PTPRQ: variants seen among roughly 807,000 people sequenced by gnomAD.
The protein encoded by PTPRQ is protein tyrosine phosphatase receptor type Q.
In PTPRQ, 199 loss-of-function variants were observed where a neutral mutation model predicts 246.0. The observed-to-expected ratio is 0.81, with a 90% CI of 0.72 to 0.91. The LOEUF (loss-of-function observed/expected upper bound fraction) is 0.91, where lower values mean the gene tolerates loss of function less well. Ranked by LOEUF, PTPRQ falls within the 40% of genes least tolerant of loss-of-function variation. The pLI, the probability that PTPRQ is intolerant of heterozygous loss-of-function variation, is 0.00. For missense variants in PTPRQ, 2,624 were observed against 2,528.4 expected, an observed-to-expected ratio of 1.04 and a Z score of -0.81; for synonymous variants, 869 against 853.2, an observed-to-expected ratio of 1.02 and a Z score of -0.32.
chr12:80,479,519 C>A (rs1328640745), intron 8 of PTPRQ, among the ~76,000 whole-genome samples: 3 of 147,640 alleles, frequency 2.0e-5, no homozygotes, highest in Non-Finnish European at 3.0e-5. Context: ...CAAATTCACA[C>A]ATAACAATAT....
chr12:80,555,023 C>T lies in PTPRQ; in HGVS notation c.4285+5289C>T, dbSNP rs1042934348. The stretch of plus-strand genomic sequence containing the variant: ...CCACCTCTCAGGTTCAAGCAATTCT[C>T]GTGCCTCAGGACTCCCAAGTAGCTG... On this transcript the variant is annotated intron_variant, in intron 25 of 44. Transcript: ENST00000644991. 5.9e-5 allele frequency among the ~76,000 whole-genome samples: 9 copies of T among 152,010 alleles called. No homozygotes were observed. The East Asian group carries it at 1.4e-3, about 23-fold the overall frequency.
chr12:80,498,505 C>T (rs1044602144), intron 14 of PTPRQ, among the ~76,000 whole-genome samples: 1 of 152,074 alleles, frequency 6.6e-6, no homozygotes, highest in Admixed American at 6.6e-5. Context: ...GTTTCATTGC[C>T]TAATGGCACC....
intron 39 of PTPRQ, among the ~76,000 whole-genome samples, chr12:80,660,746 A>T (rs1186778921): frequency 6.6e-6 from 1 of 152,096 alleles, no homozygotes; most frequent in African/African-American, 2.4e-5. Flanking sequence ...TTGACAGAGC[A>T]TTATAATACT....
At chr12:80,522,145 A>T (rs968205408) in intron 17 of PTPRQ, among the ~76,000 whole-genome samples, 7 of 152,156 alleles carry the variant, frequency 4.6e-5, no homozygotes, top group African/African-American at 1.7e-4. Context: ...GAGTTCACTC[A>T]TGATTTGGCT....
At chr12:80,526,740 G>A (rs1380070786) in intron 17 of PTPRQ, among the ~76,000 whole-genome samples, 3 of 152,008 alleles carry the variant, frequency 2.0e-5, no homozygotes, top group Admixed American at 6.6e-5. Context: ...AGGGGCTAAC[G>A]TTGATACTAT....
chr12:80,667,426 CAGCCTATTTTCTGAAA>C (rs1469449211), intron 39 of PTPRQ, among the ~76,000 whole-genome samples: 2 of 151,930 alleles, frequency 1.3e-5, no homozygotes, highest in Non-Finnish European at 2.9e-5. Context: ...TATTTCTGAA[CAGCCTATTTTCTGAAA>C]AGCCTATTTT....
Position 80,542,968 on chromosome 12 carries a change from C to T in PTPRQ, c.3873+87C>T, listed in dbSNP as rs570458509. The T allele has an allele frequency of 1.9e-5, 17 of 883,808 alleles. No homozygotes were observed. The African/African-American group carries it at 2.5e-4, about 13-fold the overall frequency. The allele number at this position is 883,808 out of a possible 1,614,324, so 54.7% of individuals were successfully genotyped here. A position where few individuals can be genotyped will look rare whatever the true frequency, so the allele number is the denominator to read the frequency against. The stretch of plus-strand genomic sequence containing the variant: ...TGACATATAGGAGGAAAATGGACTA[C>T]TAAATTAAACAATGACTATTTTTTT... On this transcript the variant is annotated intron_variant, in intron 23 of 44. Transcript: ENST00000644991.
intron 33 of PTPRQ, 55 bp downstream of exon 33, chr12:80,622,189 C>T: frequency 8.2e-7 from 1 of 1,223,484 alleles, no homozygotes; most frequent in South Asian, 2.0e-5. Flanking sequence ...AAAGTTGGAA[C>T]ATTTATTAGT....
chr12:80,463,187 TG>T (rs1893262241), intron 6 of PTPRQ, among the ~76,000 whole-genome samples: 1 of 152,124 alleles, frequency 6.6e-6, no homozygotes, highest in Admixed American at 6.5e-5. Flanking sequence ...CTGATGGAGC[TG>T]AAAGCCAAGG....
chr12:80,557,523 C>G (rs1291417828), intron 25 of PTPRQ, among the ~76,000 whole-genome samples: 4 of 151,520 alleles, frequency 2.6e-5, no homozygotes, highest in African/African-American at 9.7e-5. Flanking sequence ...AGGCATAGAG[C>G]AAACACCAAG....
intron 35 of PTPRQ, among the ~76,000 whole-genome samples, chr12:80,646,625 A>C (rs946818223): frequency 5.3e-5 from 8 of 152,314 alleles, no homozygotes; most frequent in Admixed American, 3.3e-4. Flanking sequence ...TTGTAGTAGG[A>C]AACTATCTCC....
intron 35 of PTPRQ, among the ~76,000 whole-genome samples, chr12:80,646,969 C>T (rs57902008): frequency 0.15 from 23,069 of 152,160 alleles, 2,194 homozygotes; most frequent in East Asian, 0.25. Flanking sequence ...TTCTTGCTCA[C>T]TTTTCTTTAA....
chr12:80,520,487 T>A (rs1264712897), intron 17 of PTPRQ, among the ~76,000 whole-genome samples: 1 of 151,488 alleles, frequency 6.6e-6, no homozygotes, highest in Non-Finnish European at 1.5e-5. Context: ...ATTAGGTGTA[T>A]CTCCTAATGC....
rs1304970476 is a variant in PTPRQ at position 80,546,347 on chromosome 12, A to G, written c.3874-209A>G. On this transcript the variant is annotated intron_variant, in intron 23 of 44. Coordinates refer to ENST00000644991, the MANE Select transcript of PTPRQ (RefSeq NM_001145026.2). ...GGCAATTATGAGGTTCTTCAGGGAA[A>G]AGAAGGTGCCCAATTCATCCTTGTA... 4.6e-5 allele frequency among the ~76,000 whole-genome samples: 7 copies of G among 152,196 alleles called. 1 individual carries two copies.
At position 80,472,159 on chromosome 12, in the gene PTPRQ, C is replaced by T; in HGVS notation, c.1094C>T (p.Thr365Ile). The T allele has an allele frequency of 6.4e-7, 1 of 1,551,604 alleles. No homozygotes were observed. The highest frequency in any genetic ancestry group is 8.7e-7 in the Non-Finnish European group (1 of 1,146,966). ...KDLKFAFTNLTPFTMYDVYIA... is the reference protein window; with the variant it reads ...KDLKFAFTNLIPFTMYDVYIA... Reference sequence around the variant, plus strand: ...CTCAAGTTTGCATTCACTAACCTAACACCATTTACAATGTATGATGTCTAT... The same window carrying T: ...CTCAAGTTTGCATTCACTAACCTAATACCATTTACAATGTATGATGTCTAT... Residue 365 changes from threonine (T) to isoleucine (I), a missense_variant, in exon 8 of 45, where the codon ACA becomes ATA. By Grantham distance (89) the Thr-to-Ile change is moderately conservative. Coordinates refer to ENST00000644991, the MANE Select transcript of PTPRQ (RefSeq NM_001145026.2).
At chr12:80,532,004 C>G (rs1895858531) in intron 17 of PTPRQ, among the ~76,000 whole-genome samples, 1 of 151,506 alleles carries the variant, frequency 6.6e-6, no homozygotes, top group South Asian at 2.1e-4. Flanking sequence ...AGGTAATTGC[C>G]TTGATTCTGC....
At chr12:80,642,435 T>C (rs904181234) in intron 35 of PTPRQ, among the ~76,000 whole-genome samples, 3 of 152,174 alleles carry the variant, frequency 2.0e-5, no homozygotes, top group African/African-American at 7.2e-5. Context: ...TCATTTAGAA[T>C]ACATGGTTGA....
intron 3 of PTPRQ, among the ~76,000 whole-genome samples, chr12:80,449,615 C>T (rs11513910): frequency 0.18 from 27,966 of 151,276 alleles, 2,745 homozygotes; most frequent in Middle Eastern, 0.22. Flanking sequence ...TTTCCCAGCA[C>T]CATTTATTAA....
chr12:80,623,814 G>A (rs1273953550), intron 33 of PTPRQ, among the ~76,000 whole-genome samples: 1 of 152,078 alleles, frequency 6.6e-6, no homozygotes, highest in Non-Finnish European at 1.5e-5. Flanking sequence ...AGACATTCAG[G>A]GTAATGGAAA....
Sources: gnomAD v4.1 joint callset for allele counts (sites outside exome capture counted in the v4.1 genomes callset) on GRCh38, gnomAD v4.1.1 for gene constraint, MANE v1.5 for transcripts, NCBI Gene and HGNC (gene_info 2026-07-23, HGNC 2026-07-21) for gene names.